AKAP13: variants seen among roughly 807,000 people sequenced by gnomAD.
AKAP13 encodes the protein A-kinase anchoring protein 13.
A neutral mutation model predicts 264.5 loss-of-function variants in AKAP13; 80 were observed. That is an observed-to-expected ratio of 0.30 (90% confidence interval 0.25 to 0.36). The LOEUF (loss-of-function observed/expected upper bound fraction) is 0.36. Ranked by LOEUF, AKAP13 falls within the 10% of genes least tolerant of loss-of-function variation. AKAP13 has a pLI of 1.00. For synonymous variants in AKAP13, 1,380 were observed against 1,250.2 expected (o/e 1.10, Z -2.19); for missense variants, 3,712 against 3,435.2 (o/e 1.08, Z -2.01).
At chr15:85,680,032 C>T (rs952381806) in intron 14 of AKAP13, among the ~76,000 whole-genome samples, 3 of 152,190 alleles carry the variant, frequency 2.0e-5, no homozygotes, top group Non-Finnish European at 2.9e-5. Flanking sequence ...ATAGATTCTC[C>T]TAGTACTCAA....
At chr15:85,426,851 T>C (rs1314912490) in intron 1 of AKAP13, among the ~76,000 whole-genome samples, 2 of 152,198 alleles carry the variant, frequency 1.3e-5, no homozygotes, top group African/African-American at 4.8e-5. Flanking sequence ...TTCCATGTAA[T>C]TCTTGTGGCC....
At chr15:85,545,211 A>G (rs2077696558) in intron 5 of AKAP13, among the ~76,000 whole-genome samples, 1 of 152,222 alleles carries the variant, frequency 6.6e-6, no homozygotes, top group Non-Finnish European at 1.5e-5. Flanking sequence ...GATTGGATTC[A>G]TTCTACGGTT....
At chr15:85,660,274 A>G (rs1457340043) in intron 12 of AKAP13, among the ~76,000 whole-genome samples, 1 of 143,542 alleles carries the variant, frequency 7.0e-6, no homozygotes, top group Admixed American at 7.4e-5. Context: ...AATTGCTTGA[A>G]CCTGGGAGGC....
At chr15:85,431,609 G>A (rs1438365292) in intron 1 of AKAP13, among the ~76,000 whole-genome samples, 3 of 152,166 alleles carry the variant, frequency 2.0e-5, no homozygotes, top group African/African-American at 7.2e-5. Flanking sequence ...AGGTGATGAG[G>A]TGCTGGTTAC....
intron 4 of AKAP13, among the ~76,000 whole-genome samples, chr15:85,543,067 G>C (rs1327019421): frequency 6.6e-6 from 1 of 152,196 alleles, no homozygotes; most frequent in Non-Finnish European, 1.5e-5. Flanking sequence ...TTTACTAAGA[G>C]GGAGCCTTTA....
chr15:85,581,465 C>T lies in AKAP13; in HGVS notation c.3397C>T (p.Pro1133Ser). 3 of 1,614,172 alleles carry T rather than the reference C, an allele frequency of 1.9e-6. No individual in the cohort carries two copies. The highest frequency in any genetic ancestry group is 2.2e-5 in the South Asian group (2 of 91,082). ...AGAGAAGAATGCCGTTCTAGGTTTG[C>T]CAGTGGCTCTACAGGACAAAGCTGT... is the stretch of plus-strand genomic sequence containing the variant. The part of the protein sequence containing the change: ...SQEKNAVLGL[P>S]VALQDKAVTD... The change falls in exon 7 of 37, where the codon CCA becomes TCA. Residue 1133 changes from proline to serine, a missense_variant. Coordinates refer to ENST00000394518, the MANE Select transcript of AKAP13 (RefSeq NM_007200.5).
chr15:85,723,416 C>A, intron 26 of AKAP13, 96 bp downstream of exon 26: 1 of 1,525,378 alleles, frequency 6.6e-7, no homozygotes, highest in East Asian at 2.3e-5. Flanking sequence ...ATTTTTTTCC[C>A]AGAGAGCCCA....
At chr15:85,666,730 CA>C (rs2083625224) in intron 13 of AKAP13, among the ~76,000 whole-genome samples, 1 of 152,060 alleles carries the variant, frequency 6.6e-6, no homozygotes, top group African/African-American at 2.4e-5. Context: ...TTCTCTTTAT[CA>C]CCATCTAATC....
intron 5 of AKAP13, 132 bp downstream of exon 5, chr15:85,544,087 CT>C (rs1277625678): frequency 7.5e-6 from 8 of 1,073,312 alleles, no homozygotes; most frequent in Non-Finnish European, 1.1e-5. Context: ...ATCTTGCCTT[CT>C]GCTGGAGGTT....
chr15:85,719,431 G>C, intron 23 of AKAP13, 105 bp downstream of exon 23: 2 of 1,422,682 alleles, frequency 1.4e-6, no homozygotes, highest in African/African-American at 2.9e-5. Context: ...TTTATTATCT[G>C]TGTAAGCTCA....
chr15:85,686,692 C>T (rs1349850998), intron 16 of AKAP13, among the ~76,000 whole-genome samples: 1 of 151,914 alleles, frequency 6.6e-6, no homozygotes, highest in Admixed American at 6.6e-5. Context: ...TAAAATAGAG[C>T]CTTACCTTTT....
intron 15 of AKAP13, 103 bp from the exon 16 acceptor site, chr15:85,684,638 A>C: frequency 7.8e-7 from 1 of 1,277,016 alleles, no homozygotes; most frequent in Non-Finnish European, 1.1e-6. Context: ...GGCATACTCT[A>C]TAAAAAGCCA....
At chr15:85,402,224 A>G (rs2150842364) in intron 1 of AKAP13, among the ~76,000 whole-genome samples, 1 of 152,336 alleles carries the variant, frequency 6.6e-6, no homozygotes, top group Non-Finnish European at 1.5e-5. Flanking sequence ...AAAGAGAGCA[A>G]GTGGTGCTAC....
chr15:85,483,040 A>T (rs746728750), intron 1 of AKAP13, among the ~76,000 whole-genome samples: 4 of 152,210 alleles, frequency 2.6e-5, no homozygotes, highest in Non-Finnish European at 5.9e-5. Context: ...ACATGTTTAG[A>T]GGAGTTTATA....
At chr15:85,673,757 C>G (rs1358140056) in intron 14 of AKAP13, among the ~76,000 whole-genome samples, 3 of 131,108 alleles carry the variant, frequency 2.3e-5, no homozygotes, top group Non-Finnish European at 3.1e-5. Context: ...ACGATCTTGG[C>G]TCACTGCAAG....
intron 13 of AKAP13, among the ~76,000 whole-genome samples, chr15:85,668,129 C>T (rs2083706352): frequency 6.6e-6 from 1 of 152,154 alleles, no homozygotes; most frequent in Non-Finnish European, 1.5e-5. Flanking sequence ...AAGTCTCTGC[C>T]TTTCACTGAG....
chr15:85,581,937 A>C lies in AKAP13; in HGVS notation c.3869A>C (p.Lys1290Thr), dbSNP rs1232548600. 6.2e-7 allele frequency: 1 copy of C among 1,614,130 alleles called. No individual in the cohort carries two copies. Among genetic ancestry groups the C allele is most frequent in the Non-Finnish European group, 8.5e-7 (1 of 1,180,018 alleles). ...AGCCCTGAGTTGGGTCCTCTCACTA[A>C]AGGACTAGAGAGTGCTTTTACAGAA... ...LSSPELGPLT[K>T]GLESAFTEKV... The change falls in exon 7 of 37, where the codon AAA becomes ACA. Residue 1290 changes from lysine (K) to threonine (T), a missense_variant. Physicochemically the swap from Lys to Thr is moderately conservative, Grantham distance 78. Transcript: ENST00000394518.
intron 13 of AKAP13, among the ~76,000 whole-genome samples, chr15:85,669,404 GTACT>G (rs1434250930): frequency 2.6e-5 from 4 of 152,140 alleles, no homozygotes; most frequent in Non-Finnish European, 5.9e-5. Flanking sequence ...TATTTATTAA[GTACT>G]TACTAAGTTT....
At chr15:85,616,450 G>A (rs968321106) in intron 8 of AKAP13, among the ~76,000 whole-genome samples, 7 of 152,122 alleles carry the variant, frequency 4.6e-5, no homozygotes, top group African/African-American at 1.7e-4. Flanking sequence ...TGGCCCTGTG[G>A]CATGAGACAG....
Sources: allele counts gnomAD v4.1 joint callset (sites outside exome capture counted in the v4.1 genomes callset), GRCh38; gene constraint gnomAD v4.1.1; transcripts MANE v1.5; gene names NCBI Gene and HGNC (gene_info 2026-07-23, HGNC 2026-07-21).